PHACTR3: variants seen among roughly 807,000 people sequenced by gnomAD.
The protein encoded by PHACTR3 is protein phosphatase 1, regulatory subunit 123.
A neutral mutation model predicts 66.8 loss-of-function variants in PHACTR3; 16 were observed. The ratio of observed to expected loss-of-function variants is 0.24; its 90% CI spans 0.16 to 0.36. The LOEUF (loss-of-function observed/expected upper bound fraction) is 0.36. Ranked by LOEUF, PHACTR3 falls within the 10% of genes least tolerant of loss-of-function variation. The pLI, the probability that PHACTR3 is intolerant of heterozygous loss-of-function variation, is 1.00. For missense variants in PHACTR3, 647 were observed against 719.9 expected (o/e 0.90, Z 1.16); for synonymous variants, 323 against 292.1 (o/e 1.11, Z -1.08).
chr20:59,616,899 A>G (rs1330719110), intron 1 of PHACTR3, among the ~76,000 whole-genome samples: 1 of 152,064 alleles, frequency 6.6e-6, no homozygotes, highest in Non-Finnish European at 1.5e-5. Flanking sequence ...ATACCATGCC[A>G]TGTGGGGTAA....
chr20:59,609,025 G>T (rs768460179), intron 1 of PHACTR3, among the ~76,000 whole-genome samples: 1 of 152,206 alleles, frequency 6.6e-6, no homozygotes, highest in Admixed American at 6.5e-5. Context: ...AGCCCCAGGC[G>T]CTGGTGTCTC....
intron 1 of PHACTR3, among the ~76,000 whole-genome samples, chr20:59,697,866 C>G (rs911997917): frequency 1.3e-5 from 2 of 152,190 alleles, no homozygotes; most frequent in Admixed American, 6.5e-5. Flanking sequence ...AGCATTTTCT[C>G]ATTGACAATA....
chr20:59,674,477 CCCCTTG>C (rs2036325026), intron 1 of PHACTR3, among the ~76,000 whole-genome samples: 19 of 105,558 alleles, frequency 1.8e-4, no homozygotes, highest in East Asian at 1.1e-3. Context: ...TCTCCTGTTC[CCCCTTG>C]TTCTCGTTCC....
At chr20:59,712,960 G>A (rs1398896878) in intron 1 of PHACTR3, among the ~76,000 whole-genome samples, 12 of 152,136 alleles carry the variant, frequency 7.9e-5, no homozygotes, top group African/African-American at 2.7e-4. Context: ...CTAATTTCTG[G>A]ATTCTCTCAT....
intron 1 of PHACTR3, among the ~76,000 whole-genome samples, chr20:59,622,995 A>AAAAAAAAAAAAAAAAAAAAAAAAAAAAAC (rs1176671091): frequency 2.7e-5 from 4 of 146,784 alleles, no homozygotes; most frequent in Non-Finnish European, 4.5e-5. Flanking sequence ...AAAAAAAAAA[A>AAAAAAAAAAAAAAAAAAAAAAAAAAAAAC]AAAAAACCCA....
rs1460995229 is a variant in PHACTR3 at position 59,711,119 on chromosome 20, G to A, written c.119-31988G>A. Among the ~76,000 whole-genome samples, 7 of 151,880 alleles carry A rather than the reference G, an allele frequency of 4.6e-5. No homozygotes were observed. The East Asian group carries it at 9.6e-4, about 21-fold the overall frequency. ...ATTACATATCCCAATTTTAAATATAGCATGTGTCTTGAAAATTTTTTGGTA... is the reference window on the plus strand; with the variant it reads ...ATTACATATCCCAATTTTAAATATAACATGTGTCTTGAAAATTTTTTGGTA... On this transcript the variant is annotated intron_variant, in intron 1 of 12. Transcript: ENST00000371015.
At chr20:59,787,486 G>A (rs993435162) in intron 7 of PHACTR3, among the ~76,000 whole-genome samples, 9 of 152,234 alleles carry the variant, frequency 5.9e-5, no homozygotes, top group African/African-American at 1.9e-4. Context: ...GAGTGGCCAT[G>A]TGCAGCCTTG....
upstream of PHACTR3, among the ~76,000 whole-genome samples, chr20:59,601,474 G>A (rs542575441): frequency 7.2e-5 from 11 of 152,296 alleles, no homozygotes; most frequent in African/African-American, 2.6e-4. Context: ...CCCTTGCCAG[G>A]GATCTTGTTC....
In PHACTR3 at chr20:59,793,894, G is replaced by A. The variant is rs534533838; in HGVS notation, c.1175-12147G>A. Among the ~76,000 whole-genome samples the A allele has an allele frequency of 9.2e-5, 14 of 152,116 alleles. 1 individual carries two copies. The East Asian group carries it at 2.7e-3, about 29-fold the overall frequency. On this transcript the variant is annotated intron_variant, in intron 7 of 12. Coordinates refer to ENST00000371015, the MANE Select transcript of PHACTR3 (RefSeq NM_080672.5). The stretch of plus-strand genomic sequence containing the variant: ...CCCAGCACTTTGGGAGGGTGAGACA[G>A]GTGGATTACTTGAGGATAAAGAGTT...
At chr20:59,780,080 G>A (rs899138876) in intron 7 of PHACTR3, among the ~76,000 whole-genome samples, 3 of 152,164 alleles carry the variant, frequency 2.0e-5, no homozygotes, top group Admixed American at 6.6e-5. Context: ...GAGGGGGAGC[G>A]AGGGACTGAG....
chr20:59,603,034 G>A (rs898852545), upstream of PHACTR3, among the ~76,000 whole-genome samples: 5 of 152,320 alleles, frequency 3.3e-5, no homozygotes, highest in East Asian at 9.6e-4. Flanking sequence ...AAGGAATGAG[G>A]TCCCCATGCA....
chr20:59,660,291 G>A (rs532819347), intron 1 of PHACTR3, among the ~76,000 whole-genome samples: 1 of 152,302 alleles, frequency 6.6e-6, no homozygotes, highest in African/African-American at 2.4e-5. Context: ...TCAGAAGATC[G>A]AGATCATCCT....
At chr20:59,800,550 T>A (rs904601979) in intron 7 of PHACTR3, among the ~76,000 whole-genome samples, 4 of 152,212 alleles carry the variant, frequency 2.6e-5, no homozygotes, top group Admixed American at 1.3e-4. Context: ...CTCTATACAG[T>A]GAATACAGAT....
chr20:59,753,170 G>T (rs978155883), intron 3 of PHACTR3, among the ~76,000 whole-genome samples: 1 of 152,040 alleles, frequency 6.6e-6, no homozygotes, highest in Non-Finnish European at 1.5e-5. Context: ...AAAAATCAAG[G>T]GTTGCAGCAC....
intron 1 of PHACTR3, among the ~76,000 whole-genome samples, chr20:59,702,391 A>C (rs1245322717): frequency 6.6e-6 from 1 of 151,878 alleles, no homozygotes; most frequent in African/African-American, 2.4e-5. Flanking sequence ...TCTTCTTTTT[A>C]TTCAGAAGAC....
At chr20:59,691,629 T>C (rs1286662443) in intron 1 of PHACTR3, among the ~76,000 whole-genome samples, 1 of 152,208 alleles carries the variant, frequency 6.6e-6, no homozygotes. Context: ...TTCTAGTTCT[T>C]CTTGTTTATT....
intron 1 of PHACTR3, among the ~76,000 whole-genome samples, chr20:59,719,174 CT>C (rs199615265): frequency 6.6e-6 from 1 of 151,462 alleles, no homozygotes; most frequent in Non-Finnish European, 1.5e-5. Flanking sequence ...TTAGCTTTTT[CT>C]TTTTTTTTGA....
chr20:59,761,416 T>C (rs1340687511), intron 4 of PHACTR3, among the ~76,000 whole-genome samples: 1 of 152,124 alleles, frequency 6.6e-6, no homozygotes, highest in African/African-American at 2.4e-5. Context: ...ACCAAGGTTG[T>C]GCTGGGTGTA....
chr20:59,580,033 A>C (rs1277355804), intron 1 of PHACTR3, among the ~76,000 whole-genome samples: 3 of 152,088 alleles, frequency 2.0e-5, no homozygotes, highest in Non-Finnish European at 4.4e-5. Context: ...GGGCCATTGC[A>C]CGTCTGAGTC....
Sources: allele counts gnomAD v4.1 joint callset (sites outside exome capture counted in the v4.1 genomes callset), GRCh38; gene constraint gnomAD v4.1.1; transcripts MANE v1.5; gene names NCBI Gene and HGNC (gene_info 2026-07-23, HGNC 2026-07-21).